PARD6A: variants seen among roughly 807,000 people sequenced by gnomAD.
PARD6A encodes the protein partitioning defective 6 homolog alpha.
In PARD6A, 20 loss-of-function variants were observed where a neutral mutation model predicts 21.3. That is an observed-to-expected ratio of 0.94 (90% CI 0.66 to 1.36). The LOEUF is 1.36. PARD6A is among the 40% of genes most tolerant of loss of function. The probability of loss-of-function intolerance (pLI) is 0.00; values close to 1 mark genes in which losing one functional copy is unlikely to be tolerated. For synonymous variants in PARD6A, 214 were observed against 204.8 expected (o/e 1.04, Z -0.38); for missense variants, 411 against 482.0 (o/e 0.85, Z 1.38).
In PARD6A at chr16:67,661,375, T is replaced by G. The variant is rs2053012689; in HGVS notation, c.64-80T>G. 3 of 1,533,396 alleles carry G rather than the reference T, an allele frequency of 2.0e-6. No individual in the cohort carries two copies. 95.0% of individuals were successfully genotyped at this position (1,533,396 alleles called of 1,614,324 possible). On this transcript the variant is annotated intron_variant, in intron 1 of 2. Transcript: ENST00000458121. The surrounding 1 kb of genome is among the most constrained non-coding windows in gnomAD (Gnocchi z 7.0). The stretch of plus-strand genomic sequence containing the variant: ...CTGCCGCAAAAGCGGCAGCCGCATC[T>G]TTCCCATTCCTGCCAGCCTGCGGTG...
In PARD6A at chr16:67,661,105, A is replaced by T; in HGVS notation, c.63+4A>T. ...CATCGTCGAGGTGAAGAGCAAAGTA[A>T]GGGCTCCTCCGGCCTCGGCCCTAGG... On this transcript the variant is annotated splice_donor_region_variant and intron_variant, in intron 1 of 2. Transcript: ENST00000458121. This position sits in a 1 kb window ranked among gnomAD's most constrained non-coding sequence, Gnocchi z 7.0. 6.2e-7 allele frequency: 1 copy of T among 1,608,348 alleles called. No individual in the cohort carries two copies. The highest frequency in any genetic ancestry group is 8.5e-7 in the Non-Finnish European group (1 of 1,176,262).
At position 67,662,093 on chromosome 16, in the gene PARD6A, C is replaced by T. The variant is rs201069165; in HGVS notation, c.484C>T (p.His162Tyr). The T allele has an allele frequency of 6.2e-7, 1 of 1,613,794 alleles. No individual in the cohort carries two copies. The highest frequency in any genetic ancestry group is 8.5e-7 in the Non-Finnish European group (1 of 1,179,962). ...ETHRRVRLHK[H>Y]GSDRPLGFYI... is the part of the protein sequence containing the mutation. Reference sequence around the variant, plus strand: ...CCACCGACGGGTGCGGCTGCACAAGCATGGTTCAGACCGCCCCCTGGGCTT... The same window carrying T: ...CCACCGACGGGTGCGGCTGCACAAGTATGGTTCAGACCGCCCCCTGGGCTT... Residue 162 changes from histidine (H) to tyrosine (Y), a missense_variant, in exon 3 of 3, where the codon CAT becomes TAT. His to Tyr is a moderately conservative substitution (Grantham distance 83). Coordinates refer to ENST00000458121, the MANE Select transcript of PARD6A (RefSeq NM_001037281.2). This position sits in a 1 kb window ranked among gnomAD's most constrained non-coding sequence, Gnocchi z 6.9.
Position 67,662,692 on chromosome 16 carries a change from G to A in PARD6A, c.*45G>A, listed in dbSNP as rs766536462. ...TGCCACTCCACACTGCTGGGACATG[G>A]CAGGGACTTCACAGTGGGGGTTTTT... On this transcript the variant is annotated 3_prime_UTR_variant, in exon 3 of 3. Coordinates refer to ENST00000458121, the MANE Select transcript of PARD6A (RefSeq NM_001037281.2). This position sits in a 1 kb window ranked among gnomAD's most constrained non-coding sequence, Gnocchi z 6.9. The A allele has an allele frequency of 6.8e-6, 10 of 1,477,790 alleles. No individual in the cohort carries two copies. The highest frequency in any genetic ancestry group is 8.1e-6 in the Non-Finnish European group (9 of 1,115,504). The allele number at this position is 1,477,790 out of a possible 1,614,324, so 91.5% of individuals were successfully genotyped here.
rs1178682433 is a variant in PARD6A, at chr16:67,661,578, G to T, written c.187G>T (p.Asp63Tyr). ...CCTGGACGTGCTACTTGGCTATACG[G>T]ATGCTCATGGCGACCTGCTGCCCCT... ...PGLDVLLGYTDAHGDLLPLTN... is the reference protein window; with the variant it reads ...PGLDVLLGYTYAHGDLLPLTN... Residue 63 changes from aspartate to tyrosine, a missense_variant, in exon 2 of 3, where the codon GAT (aspartate) becomes TAT (tyrosine). Coordinates refer to ENST00000458121, the MANE Select transcript of PARD6A (RefSeq NM_001037281.2). This position sits in a 1 kb window ranked among gnomAD's most constrained non-coding sequence, Gnocchi z 7.0. 1 of 1,610,186 alleles carries T rather than the reference G, an allele frequency of 6.2e-7. No homozygotes were observed. Among genetic ancestry groups the T allele is most frequent in the Non-Finnish European group, 8.5e-7 (1 of 1,179,962 alleles).
In PARD6A at chr16:67,661,263, C is replaced by T. The variant is rs918152427; in HGVS notation, c.63+162C>T. ...TCTTCCTTCCTCCACTGCTGGTCTCCAGCTCTCTGTGGCCTGAGTACCTGG... is the reference window on the plus strand; with the variant it reads ...TCTTCCTTCCTCCACTGCTGGTCTCTAGCTCTCTGTGGCCTGAGTACCTGG... On this transcript the variant is annotated intron_variant, in intron 1 of 2. Transcript: ENST00000458121. This position sits in a 1 kb window ranked among gnomAD's most constrained non-coding sequence, Gnocchi z 7.0. 9 of 1,017,382 alleles carry T rather than the reference C, an allele frequency of 8.8e-6. No homozygotes were observed. Among genetic ancestry groups the T allele is most frequent in the Non-Finnish European group, 1.3e-5 (9 of 685,902 alleles). 63.0% of individuals were successfully genotyped at this position (1,017,382 alleles called of 1,614,324 possible). A position where few individuals can be genotyped will look rare whatever the true frequency, so the allele number is the denominator to read the frequency against.
Position 67,662,000 on chromosome 16 carries a change from C to G in PARD6A, c.391C>G (p.Leu131Val), listed in dbSNP as rs761803222. The part of the protein sequence containing the change: ...VAPLRTRPPL[L>V]ISLPQDFRQV... Reference sequence around the variant, plus strand: ...ACCCCTGCGCACCCGGCCACCCTTGCTAATCAGCCTGCCCCAAGATTTCCG... The same window carrying G: ...ACCCCTGCGCACCCGGCCACCCTTGGTAATCAGCCTGCCCCAAGATTTCCG... The change falls in exon 3 of 3, where the codon CTA becomes GTA. Residue 131 changes from leucine (L) to valine (V), a missense_variant. By Grantham distance (32) the Leu-to-Val change is conservative. Transcript: ENST00000458121. The surrounding 1 kb of genome is among the most constrained non-coding windows in gnomAD (Gnocchi z 7.0). The G allele has an allele frequency of 6.2e-7, 1 of 1,613,674 alleles. No homozygotes were observed. The highest frequency in any genetic ancestry group is 8.5e-7 in the Non-Finnish European group (1 of 1,180,026).
Position 67,662,127 on chromosome 16 carries a change from G to A in PARD6A, c.518G>A (p.Arg173Gln), listed in dbSNP as rs200163503. 1.9e-5 allele frequency: 31 copies of A among 1,613,794 alleles called. No individual in the cohort carries two copies. Among genetic ancestry groups the A allele is most frequent in the Admixed American group, 6.7e-5 (4 of 60,028 alleles). Residue 173 changes from arginine (R) to glutamine (Q), a missense_variant, in exon 3 of 3, where the codon CGA becomes CAA. Coordinates refer to ENST00000458121, the MANE Select transcript of PARD6A (RefSeq NM_001037281.2). The surrounding 1 kb of genome is among the most constrained non-coding windows in gnomAD (Gnocchi z 6.9). ...GSDRPLGFYI[R>Q]DGMSVRVAPQ... ...GACCGCCCCCTGGGCTTCTACATCC[G>A]AGATGGCATGAGCGTGCGTGTGGCT...
chr16:67,662,708 G>T lies in PARD6A; in HGVS notation c.*61G>T. 1 of 1,434,126 alleles carries T rather than the reference G, an allele frequency of 7.0e-7. No individual in the cohort carries two copies. The highest frequency in any genetic ancestry group is 9.2e-7 in the Non-Finnish European group (1 of 1,085,978). 88.8% of individuals were successfully genotyped at this position (1,434,126 alleles called of 1,614,324 possible). On this transcript the variant is annotated 3_prime_UTR_variant, in exon 3 of 3. Coordinates refer to ENST00000458121, the MANE Select transcript of PARD6A (RefSeq NM_001037281.2). This position sits in a 1 kb window ranked among gnomAD's most constrained non-coding sequence, Gnocchi z 6.9. ...TGGGACATGGCAGGGACTTCACAGTGGGGGTTTTTAGCTGGCTCACAGGGC... is the reference window on the plus strand; with the variant it reads ...TGGGACATGGCAGGGACTTCACAGTTGGGGTTTTTAGCTGGCTCACAGGGC...
chr16:67,661,609 A>G lies in PARD6A; in HGVS notation c.218A>G (p.Asn73Ser). The change falls in exon 2 of 3, where the codon AAC becomes AGC. Residue 73 changes from asparagine to serine, a missense_variant. Asn to Ser is a conservative substitution (Grantham distance 46). Coordinates refer to ENST00000458121, the MANE Select transcript of PARD6A (RefSeq NM_001037281.2). This position sits in a 1 kb window ranked among gnomAD's most constrained non-coding sequence, Gnocchi z 7.0. Reference sequence around the variant, plus strand: ...CATGGCGACCTGCTGCCCCTCACCAACGACGACAGCCTGCACCGGGCCCTG... The same window carrying G: ...CATGGCGACCTGCTGCCCCTCACCAGCGACGACAGCCTGCACCGGGCCCTG... Reference protein sequence around the residue: ...DAHGDLLPLTNDDSLHRALAS... With the variant: ...DAHGDLLPLTSDDSLHRALAS... The G allele has an allele frequency of 6.2e-7, 1 of 1,608,138 alleles. No homozygotes were observed. Among genetic ancestry groups the G allele is most frequent in the Non-Finnish European group, 8.5e-7 (1 of 1,179,804 alleles).
Position 67,661,184 on chromosome 16 carries a change from T to G in PARD6A, c.63+83T>G. On this transcript the variant is annotated intron_variant, in intron 1 of 2. Coordinates refer to ENST00000458121, the MANE Select transcript of PARD6A (RefSeq NM_001037281.2). This position sits in a 1 kb window ranked among gnomAD's most constrained non-coding sequence, Gnocchi z 7.0. ...CCAGCTCCTTGGTCCCCGCCACCTC[T>G]TCCCTCTATCCTCCAAGTCCCATTC... is the stretch of plus-strand genomic sequence containing the variant. The G allele has an allele frequency of 8.1e-7, 1 of 1,234,134 alleles. No individual in the cohort carries two copies. Among genetic ancestry groups the G allele is most frequent in the Non-Finnish European group, 1.2e-6 (1 of 839,326 alleles). The allele number at this position is 1,234,134 out of a possible 1,614,324, so 76.4% of individuals were successfully genotyped here.
In PARD6A at chr16:67,661,430, C is replaced by T. The variant is rs369026483; in HGVS notation, c.64-25C>T. The T allele has an allele frequency of 7.5e-6, 12 of 1,603,448 alleles. No individual in the cohort carries two copies. Among genetic ancestry groups the T allele is most frequent in the African/African-American group, 5.3e-5 (4 of 74,952 alleles). ...AGGGGCGCAGGCTGTCCTGACTCCTCCTCTCCCCCAACCCCGACTTCCAGT... is the reference window on the plus strand; with the variant it reads ...AGGGGCGCAGGCTGTCCTGACTCCTTCTCTCCCCCAACCCCGACTTCCAGT... On this transcript the variant is annotated intron_variant, in intron 1 of 2. Transcript: ENST00000458121. This position sits in a 1 kb window ranked among gnomAD's most constrained non-coding sequence, Gnocchi z 7.0.
At position 67,661,195 on chromosome 16, in the gene PARD6A, C is replaced by A; in HGVS notation, c.63+94C>A. 8.5e-7 allele frequency: 1 copy of A among 1,176,140 alleles called. No homozygotes were observed. The highest frequency in any genetic ancestry group is 1.3e-6 in the Non-Finnish European group (1 of 789,422). The allele number at this position is 1,176,140 out of a possible 1,614,324, so 72.9% of individuals were successfully genotyped here. A position where few individuals can be genotyped will look rare whatever the true frequency, so the allele number is the denominator to read the frequency against. On this transcript the variant is annotated intron_variant, in intron 1 of 2. Coordinates refer to ENST00000458121, the MANE Select transcript of PARD6A (RefSeq NM_001037281.2). This position sits in a 1 kb window ranked among gnomAD's most constrained non-coding sequence, Gnocchi z 7.0. Reference sequence around the variant, plus strand: ...GTCCCCGCCACCTCTTCCCTCTATCCTCCAAGTCCCATTCTGCTTTTCTGC... The same window carrying A: ...GTCCCCGCCACCTCTTCCCTCTATCATCCAAGTCCCATTCTGCTTTTCTGC...
At position 67,662,474 on chromosome 16, in the gene PARD6A, C is replaced by T. The variant is rs765603105; in HGVS notation, c.865C>T (p.Arg289Cys). Residue 289 changes from arginine (R) to cysteine (C), a missense_variant, in exon 3 of 3, where the codon CGC becomes TGC. Transcript: ENST00000458121. The surrounding 1 kb of genome is among the most constrained non-coding windows in gnomAD (Gnocchi z 6.9). The part of the protein sequence containing the change: ...DDSSDLVIEN[R>C]QPPSSNGLSQ... Reference sequence around the variant, plus strand: ...CAGCAGTGACCTGGTCATTGAGAACCGCCAGCCTCCCAGTTCCAATGGGCT... The same window carrying T: ...CAGCAGTGACCTGGTCATTGAGAACTGCCAGCCTCCCAGTTCCAATGGGCT... The T allele has an allele frequency of 3.7e-6, 6 of 1,613,576 alleles. No individual in the cohort carries two copies. In the South Asian group the frequency reaches 4.4e-5, roughly 12 times the overall value.
Position 67,662,035 on chromosome 16 carries a change from CTCAG to C in PARD6A, c.430_433del (p.Val144Ter), listed in dbSNP as rs1015529840. 2 of 1,613,836 alleles carry C rather than the reference CTCAG, an allele frequency of 1.2e-6. No individual in the cohort carries two copies. Among genetic ancestry groups the C allele is most frequent in the African/African-American group, 1.3e-5 (1 of 74,950 alleles). ...TGCCCCAAGATTTCCGCCAGGTTTC[CTCAG>C]TCATAGACGTGGACCTACTGCCTGA... On this transcript the variant is annotated frameshift_variant, in exon 3 of 3. Coordinates refer to ENST00000458121, the MANE Select transcript of PARD6A (RefSeq NM_001037281.2). LOFTEE classifies it high-confidence loss of function. The surrounding 1 kb of genome is among the most constrained non-coding windows in gnomAD (Gnocchi z 6.9).
Position 67,661,327 on chromosome 16 carries a change from G to A in PARD6A, c.64-128G>A, listed in dbSNP as rs2053011865. The A allele has an allele frequency of 1.5e-6, 2 of 1,301,596 alleles. No individual in the cohort carries two copies. The highest frequency in any genetic ancestry group is 2.6e-5 in the Admixed American group (1 of 38,080). The allele number at this position is 1,301,596 out of a possible 1,614,324, so 80.6% of individuals were successfully genotyped here. The stretch of plus-strand genomic sequence containing the variant: ...GACCTTGGACAGCGTCCCTGGTACT[G>A]GAGCTGAGGTCTGGGCTTAAGGCTG... On this transcript the variant is annotated intron_variant, in intron 1 of 2. Coordinates refer to ENST00000458121, the MANE Select transcript of PARD6A (RefSeq NM_001037281.2). The surrounding 1 kb of genome is among the most constrained non-coding windows in gnomAD (Gnocchi z 7.0).
In PARD6A at chr16:67,661,222, C is replaced by G; in HGVS notation, c.63+121C>G. ...CCAAGTCCCATTCTGCTTTTCTGCT[C>G]GCCTTCCCCCATCCGTCTTCCTTCC... is the stretch of plus-strand genomic sequence containing the variant. On this transcript the variant is annotated intron_variant, in intron 1 of 2. Coordinates refer to ENST00000458121, the MANE Select transcript of PARD6A (RefSeq NM_001037281.2). This position sits in a 1 kb window ranked among gnomAD's most constrained non-coding sequence, Gnocchi z 7.0. 9.4e-7 allele frequency: 1 copy of G among 1,064,420 alleles called. No individual in the cohort carries two copies. The highest frequency in any genetic ancestry group is 1.8e-5 in the Admixed American group (1 of 55,110). 65.9% of individuals were successfully genotyped at this position (1,064,420 alleles called of 1,614,324 possible).
In PARD6A at chr16:67,661,207, T is replaced by C; in HGVS notation, c.63+106T>C. ...TCTTCCCTCTATCCTCCAAGTCCCA[T>C]TCTGCTTTTCTGCTCGCCTTCCCCC... On this transcript the variant is annotated intron_variant, in intron 1 of 2. Transcript: ENST00000458121. This position sits in a 1 kb window ranked among gnomAD's most constrained non-coding sequence, Gnocchi z 7.0. The C allele has an allele frequency of 9.2e-7, 1 of 1,086,526 alleles. No homozygotes were observed. The highest frequency in any genetic ancestry group is 1.8e-5 in the Admixed American group (1 of 56,306). 67.3% of individuals were successfully genotyped at this position (1,086,526 alleles called of 1,614,324 possible).
At position 67,661,291 on chromosome 16, in the gene PARD6A, G is replaced by A. The variant is rs551991549; in HGVS notation, c.64-164G>A. 4.8e-5 allele frequency: 51 copies of A among 1,067,468 alleles called. No homozygotes were observed. The African/African-American group carries it at 6.0e-4, about 13-fold the overall frequency. The allele number at this position is 1,067,468 out of a possible 1,614,324, so 66.1% of individuals were successfully genotyped here. A position where few individuals can be genotyped will look rare whatever the true frequency, so the allele number is the denominator to read the frequency against. On this transcript the variant is annotated intron_variant, in intron 1 of 2. Coordinates refer to ENST00000458121, the MANE Select transcript of PARD6A (RefSeq NM_001037281.2). This position sits in a 1 kb window ranked among gnomAD's most constrained non-coding sequence, Gnocchi z 7.0. ...CTCTCTGTGGCCTGAGTACCTGGAG[G>A]GCGGTAAGAAGACCTTGGACAGCGT...
Position 67,662,158 on chromosome 16 carries a change from G to C in PARD6A, c.549G>C (p.Gln183His). 6.2e-7 allele frequency: 1 copy of C among 1,613,980 alleles called. No homozygotes were observed. Among genetic ancestry groups the C allele is most frequent in the Non-Finnish European group, 8.5e-7 (1 of 1,180,012 alleles). Reference protein sequence around the residue: ...RDGMSVRVAPQGLERVPGIFI... With the variant: ...RDGMSVRVAPHGLERVPGIFI... ...GCATGAGCGTGCGTGTGGCTCCCCAGGGCCTGGAGCGGGTTCCAGGAATCT... is the reference window on the plus strand; with the variant it reads ...GCATGAGCGTGCGTGTGGCTCCCCACGGCCTGGAGCGGGTTCCAGGAATCT... Residue 183 changes from glutamine to histidine, a missense_variant, in exon 3 of 3, where the codon CAG becomes CAC. Gln to His is a conservative substitution (Grantham distance 24). Coordinates refer to ENST00000458121, the MANE Select transcript of PARD6A (RefSeq NM_001037281.2). This position sits in a 1 kb window ranked among gnomAD's most constrained non-coding sequence, Gnocchi z 6.9.
Sources: allele counts gnomAD v4.1 joint callset, GRCh38; gene constraint gnomAD v4.1.1; non-coding constraint Gnocchi (gnomAD v3.1); transcripts MANE v1.5; gene names NCBI Gene and HGNC (gene_info 2026-07-23, HGNC 2026-07-21).